The following PID1 variants were observed in gnomAD, a reference collection of about 807,000 sequenced individuals.
The protein encoded by PID1 is PTB-containing, cubilin and LRP1-interacting protein.
In PID1, 10 loss-of-function variants were observed where a neutral mutation model predicts 19.1. That is an observed-to-expected ratio of 0.52 (90% confidence interval 0.32 to 0.89). The LOEUF is 0.89. PID1 is among the 40% of genes least tolerant of loss of function. PID1 has a pLI of 0.03. For synonymous variants in PID1, 130 were observed against 116.0 expected (o/e 1.12, Z -0.78); for missense variants, 248 against 285.3 (o/e 0.87, Z 0.94).
intron 2 of PID1, among the ~76,000 whole-genome samples, chr2:229,120,495 G>T (rs898051866): frequency 5.9e-5 from 9 of 151,880 alleles, no homozygotes; most frequent in Admixed American, 5.9e-4. Context: ...AAGAGGAGGG[G>T]TTGGTCTTGC....
intron 2 of PID1, among the ~76,000 whole-genome samples, chr2:229,066,050 G>T (rs1694319147): frequency 6.6e-6 from 1 of 152,018 alleles, no homozygotes; most frequent in East Asian, 1.9e-4. Flanking sequence ...GCTGTTGAAA[G>T]GAAACATGAA....
intron 1 of PID1, among the ~76,000 whole-genome samples, chr2:229,196,157 G>A (rs964812402): frequency 6.6e-5 from 10 of 151,902 alleles, no homozygotes; most frequent in African/African-American, 2.4e-4. Context: ...ATAATAACCT[G>A]GTTATAAAAC....
intron 2 of PID1, among the ~76,000 whole-genome samples, chr2:229,087,691 C>T (rs1694796313): frequency 6.6e-6 from 1 of 152,180 alleles, no homozygotes; most frequent in Admixed American, 6.5e-5. Flanking sequence ...TGATACAACA[C>T]ACACAAGCTT....
chr2:229,139,123 A>AAG (rs1559251878), intron 2 of PID1, among the ~76,000 whole-genome samples: 8 of 106,456 alleles, frequency 7.5e-5, no homozygotes, highest in Middle Eastern at 4.9e-3. Flanking sequence ...AAGAGAAAGA[A>AAG]AGAAAGAAAG....
intron 1 of PID1, among the ~76,000 whole-genome samples, chr2:229,227,170 C>T (rs1005024614): frequency 6.6e-6 from 1 of 152,192 alleles, no homozygotes; most frequent in Admixed American, 6.5e-5. Flanking sequence ...TTCCTCTCCT[C>T]GATAACTCAG....
chr2:229,033,733 A>G (rs996953243), intron 2 of PID1, among the ~76,000 whole-genome samples: 8 of 152,234 alleles, frequency 5.3e-5, no homozygotes, highest in Admixed American at 6.5e-5. Context: ...GACATACAAT[A>G]TGTACCCAGC....
At chr2:229,110,471 C>A (rs1360441894) in intron 2 of PID1, among the ~76,000 whole-genome samples, 1 of 152,046 alleles carries the variant, frequency 6.6e-6, no homozygotes, top group Non-Finnish European at 1.5e-5. Context: ...GAGGTACAGC[C>A]AAGGGGCAGT....
chr2:229,091,087 T>A (rs942949660), intron 2 of PID1, among the ~76,000 whole-genome samples: 1 of 152,190 alleles, frequency 6.6e-6, no homozygotes, highest in South Asian at 2.1e-4. Flanking sequence ...CTATAAGTAA[T>A]TACTTATGAT....
rs1574759591 is a variant in PID1 at position 229,252,000 on chromosome 2, A to G, written c.30+19014T>C. On this transcript the variant is annotated intron_variant, in intron 1 of 2. Coordinates refer to ENST00000392055, the MANE Select transcript of PID1 (RefSeq NM_001100818.2). ...AAAAAAGAAAGAAAAAAAAACACAC[A>G]AAGAATGCAATGGCTTTGAAGCAAC... Among the ~76,000 whole-genome samples, 4 of 152,042 alleles carry G rather than the reference A, an allele frequency of 2.6e-5. No homozygotes were observed. The South Asian group carries it at 8.3e-4, about 32-fold the overall frequency.
At chr2:229,179,739 T>A (rs778478688) in intron 1 of PID1, among the ~76,000 whole-genome samples, 1 of 152,176 alleles carries the variant, frequency 6.6e-6, no homozygotes, top group Non-Finnish European at 1.5e-5. Context: ...AAATGCCAGA[T>A]TTTATCTAGC....
At chr2:229,060,368 G>A (rs969481847) in intron 2 of PID1, among the ~76,000 whole-genome samples, 2 of 152,092 alleles carry the variant, frequency 1.3e-5, no homozygotes, top group Non-Finnish European at 2.9e-5. Flanking sequence ...ACATCATACA[G>A]TATTTGTCTT....
intron 2 of PID1, among the ~76,000 whole-genome samples, chr2:229,028,671 A>G (rs1395806253): frequency 6.6e-6 from 1 of 152,248 alleles, no homozygotes; most frequent in Non-Finnish European, 1.5e-5. Flanking sequence ...ACCATGTATA[A>G]ATACTACGCA....
intron 2 of PID1, among the ~76,000 whole-genome samples, chr2:229,118,304 C>T (rs370853766): frequency 4.6e-5 from 7 of 152,276 alleles, no homozygotes; most frequent in African/African-American, 1.7e-4. Context: ...ATTGGTGCTA[C>T]TAAGCAAGGT....
At chr2:229,220,213 C>A (rs1691937247) in intron 1 of PID1, among the ~76,000 whole-genome samples, 1 of 152,044 alleles carries the variant, frequency 6.6e-6, no homozygotes, top group Admixed American at 6.6e-5. Context: ...TAGACAGAGT[C>A]TTACTATGTT....
At chr2:229,134,788 T>C (rs1046569149) in intron 2 of PID1, among the ~76,000 whole-genome samples, 1 of 152,198 alleles carries the variant, frequency 6.6e-6, no homozygotes, top group Non-Finnish European at 1.5e-5. Context: ...TTAATGACTA[T>C]ATAGTATTCT....
At chr2:229,056,804 G>C (rs1694111839) in intron 2 of PID1, among the ~76,000 whole-genome samples, 1 of 151,992 alleles carries the variant, frequency 6.6e-6, no homozygotes, top group African/African-American at 2.4e-5. Flanking sequence ...CGTGTCCCTG[G>C]TGGTTCATCC....
chr2:229,109,828 G>A (rs1324326444), intron 2 of PID1, among the ~76,000 whole-genome samples: 1 of 152,232 alleles, frequency 6.6e-6, no homozygotes, highest in African/African-American at 2.4e-5. Flanking sequence ...AGCCAGGGCT[G>A]CAGAGCATCA....
intron 2 of PID1, among the ~76,000 whole-genome samples, chr2:229,059,736 T>C (rs541159265): frequency 1.1e-4 from 17 of 152,312 alleles, no homozygotes; most frequent in African/African-American, 4.1e-4. Context: ...GATAAACCAA[T>C]TGCAAAATCT....
intron 2 of PID1, among the ~76,000 whole-genome samples, chr2:229,149,701 G>A (rs536519735): frequency 6.6e-6 from 1 of 152,284 alleles, no homozygotes; most frequent in South Asian, 2.1e-4. Context: ...TCATAAATGG[G>A]AAGATGACCG....
Sources: gnomAD v4.1 joint callset for allele counts (sites outside exome capture counted in the v4.1 genomes callset) on GRCh38, gnomAD v4.1.1 for gene constraint, MANE v1.5 for transcripts, NCBI Gene and HGNC (gene_info 2026-07-23, HGNC 2026-07-21) for gene names.